Variants in FAM13A observed in about 807,000 individuals in gnomAD.
FAM13A encodes protein FAM13A.
In FAM13A, 76 loss-of-function variants were observed where a neutral mutation model predicts 129.6. That is an observed-to-expected ratio of 0.59 (90% CI 0.49 to 0.71). The LOEUF is 0.71. FAM13A is among the 30% of genes least tolerant of loss of function. The pLI, the probability that FAM13A is intolerant of heterozygous loss-of-function variation, is 0.00. For synonymous variants in FAM13A, 443 were observed against 449.9 expected (o/e 0.98, Z 0.20); for missense variants, 1,108 against 1,249.3 (o/e 0.89, Z 1.70).
At chr4:89,000,282 T>A (rs567429405) in intron 3 of FAM13A, among the ~76,000 whole-genome samples, 45 of 152,272 alleles carry the variant, frequency 3.0e-4, no homozygotes, top group South Asian at 2.1e-3. Context: ...AACCCAAATT[T>A]CCATCAACAT....
chr4:88,876,145 A>C (rs941161461), intron 6 of FAM13A, among the ~76,000 whole-genome samples: 1 of 150,728 alleles, frequency 6.6e-6, no homozygotes, highest in South Asian at 2.1e-4. Flanking sequence ...CTGTCCTGGG[A>C]TGGGGGGCTG....
At chr4:88,992,381 C>T (rs889488732) in intron 3 of FAM13A, among the ~76,000 whole-genome samples, 13 of 151,750 alleles carry the variant, frequency 8.6e-5, no homozygotes, top group Non-Finnish European at 1.5e-4. Context: ...ATTCTCCTGT[C>T]TCAGCCTCTT....
chr4:88,842,803 C>G (rs1736048232), intron 7 of FAM13A, among the ~76,000 whole-genome samples: 1 of 151,882 alleles, frequency 6.6e-6, no homozygotes, highest in East Asian at 1.9e-4. Context: ...ATACTGTAAA[C>G]AGAATTAGAA....
At chr4:89,053,870 C>T (rs1771901395) in intron 1 of FAM13A, among the ~76,000 whole-genome samples, 1 of 152,144 alleles carries the variant, frequency 6.6e-6, no homozygotes, top group African/African-American at 2.4e-5. Flanking sequence ...TTTAATATAT[C>T]CTGATGCCAC....
intron 4 of FAM13A, among the ~76,000 whole-genome samples, chr4:88,954,216 AC>A (rs1196837920): frequency 6.6e-6 from 1 of 152,232 alleles, no homozygotes; most frequent in Non-Finnish European, 1.5e-5. Context: ...CATCCAATGA[AC>A]ATTTTCTTCA....
At chr4:88,959,936 T>C (rs1758354156) in intron 4 of FAM13A, among the ~76,000 whole-genome samples, 1 of 152,184 alleles carries the variant, frequency 6.6e-6, no homozygotes. Context: ...ACCTGCTTGC[T>C]TAACTACCGC....
At chr4:88,812,269 T>C (rs1184328190) in intron 7 of FAM13A, among the ~76,000 whole-genome samples, 5 of 152,188 alleles carry the variant, frequency 3.3e-5, no homozygotes, top group South Asian at 4.1e-4. Flanking sequence ...GTACGGATTA[T>C]GTCTCAAAAA....
chr4:88,747,103 T>G (rs1741507916), intron 18 of FAM13A, 88 bp from the exon 19 acceptor site: 2 of 904,324 alleles, frequency 2.2e-6, no homozygotes, highest in African/African-American at 3.3e-5. Flanking sequence ...AAAGCAAGGC[T>G]AAAAAGAACC....
intron 13 of FAM13A, chr4:88,759,148 G>C (rs566176908): frequency 1.3e-4 from 54 of 427,516 alleles, no homozygotes; most frequent in Admixed American, 3.6e-4. Context: ...GCAGGCAGCT[G>C]ACAGTCTTGG....
intron 3 of FAM13A, among the ~76,000 whole-genome samples, chr4:89,000,629 G>C (rs1764133308): frequency 1.3e-5 from 2 of 152,112 alleles, no homozygotes; most frequent in Non-Finnish European, 2.9e-5. Flanking sequence ...TTTGTGAATA[G>C]ATCAAAAACC....
chr4:88,776,856 C>A, intron 11 of FAM13A, among the ~76,000 whole-genome samples: 1 of 152,070 alleles, frequency 6.6e-6, no homozygotes. Context: ...CGCCTGTAAA[C>A]CCAGCTACTC....
intron 1 of FAM13A, among the ~76,000 whole-genome samples, chr4:89,056,001 T>C (rs1429689418): frequency 6.6e-6 from 1 of 152,190 alleles, no homozygotes; most frequent in Admixed American, 6.5e-5. Flanking sequence ...AAATTGCAGC[T>C]CTTTCTGAAA....
chr4:89,001,247 T>C (rs576815321), intron 3 of FAM13A, among the ~76,000 whole-genome samples: 20 of 152,352 alleles, frequency 1.3e-4, no homozygotes, highest in South Asian at 1.0e-3. Flanking sequence ...TGCCAAAATG[T>C]ATGAAGTCAT....
At chr4:88,750,094 C>A (rs1336594301) in intron 15 of FAM13A, among the ~76,000 whole-genome samples, 185 bp from the exon 16 acceptor site, 1 of 152,138 alleles carries the variant, frequency 6.6e-6, no homozygotes, top group Non-Finnish European at 1.5e-5. Flanking sequence ...GTATGTCCCA[C>A]CTATTAAGTA....
chr4:88,938,754 T>C (rs1217944246), intron 4 of FAM13A, among the ~76,000 whole-genome samples: 1 of 152,220 alleles, frequency 6.6e-6, no homozygotes, highest in Non-Finnish European at 1.5e-5. Context: ...TTCTTTTGAA[T>C]GTACTTAAAA....
intron 6 of FAM13A, among the ~76,000 whole-genome samples, chr4:88,866,664 A>C (rs1318348557): frequency 1.3e-5 from 2 of 152,192 alleles, no homozygotes; most frequent in Non-Finnish European, 2.9e-5. Context: ...TATTCCAATC[A>C]AGGAAATACC....
intron 6 of FAM13A, among the ~76,000 whole-genome samples, chr4:88,860,858 C>T (rs377587245): frequency 1.2e-4 from 19 of 152,088 alleles, no homozygotes; most frequent in African/African-American, 4.1e-4. Flanking sequence ...TCCATTAGGG[C>T]GCCACTCATT....
chr4:88,783,682 A>T (rs895714014), intron 10 of FAM13A, among the ~76,000 whole-genome samples: 2 of 152,134 alleles, frequency 1.3e-5, no homozygotes, highest in African/African-American at 4.8e-5. Flanking sequence ...CCTAACCCCC[A>T]ATGTGACCAT....
intron 6 of FAM13A, among the ~76,000 whole-genome samples, chr4:88,874,282 C>T (rs1741979214): frequency 6.6e-6 from 1 of 152,094 alleles, no homozygotes; most frequent in Admixed American, 6.5e-5. Flanking sequence ...GTTGGAAGTT[C>T]TGGCCAGGGA....
Sources: gnomAD v4.1 joint callset for allele counts (sites outside exome capture counted in the v4.1 genomes callset) on GRCh38, gnomAD v4.1.1 for gene constraint, MANE v1.5 for transcripts, NCBI Gene and HGNC (gene_info 2026-07-23, HGNC 2026-07-21) for gene names.